EEF1AKMT2: variants seen among roughly 807,000 people sequenced by gnomAD.
EEF1AKMT2 encodes eukaryotic translation elongation factor 1 alpha lysine methyltransferase 2.
EEF1AKMT2 carries 32 observed loss-of-function variants against 35.8 expected under a neutral mutation model. That is an observed-to-expected ratio of 0.89 (90% confidence interval 0.67 to 1.20). EEF1AKMT2 has a LOEUF of 1.20. Among genes scored for constraint, EEF1AKMT2 ranks in the 50% most tolerant of loss-of-function variants. The probability of loss-of-function intolerance (pLI) is 0.00; values close to 1 mark genes in which losing one functional copy is unlikely to be tolerated. For missense variants in EEF1AKMT2, 330 were observed against 347.5 expected (o/e 0.95, Z 0.40); for synonymous variants, 121 against 133.7 (o/e 0.91, Z 0.65).
At chr10:124,781,716 T>C (rs1206476209) in intron 3 of EEF1AKMT2, among the ~76,000 whole-genome samples, 4 of 147,078 alleles carry the variant, frequency 2.7e-5, no homozygotes, top group African/African-American at 1.0e-4. Flanking sequence ...AAACCCTCTC[T>C]AAAATAATTT....
chr10:124,785,784 T>C (rs778601613), intron 3 of EEF1AKMT2, among the ~76,000 whole-genome samples: 3 of 150,884 alleles, frequency 2.0e-5, no homozygotes, highest in Non-Finnish European at 4.4e-5. Context: ...TAATCCCATC[T>C]ACTCAGGAGG....
chr10:124,768,515 C>T (rs1341585923), intron 4 of EEF1AKMT2, among the ~76,000 whole-genome samples: 1 of 152,140 alleles, frequency 6.6e-6, no homozygotes, highest in Non-Finnish European at 1.5e-5. Context: ...GAGGCCGAGG[C>T]AGGCAGATCA....
Position 124,758,880 on chromosome 10 carries a change from A to G in EEF1AKMT2, c.*1623T>C, listed in dbSNP as rs540563469. The G allele has an allele frequency of 1.8e-4, 27 of 152,230 alleles. No individual in the cohort carries two copies. The highest frequency in any genetic ancestry group is 3.2e-4 in the Non-Finnish European group (22 of 68,036). 9.4% of individuals were successfully genotyped at this position (152,230 alleles called of 1,614,324 possible). ...ATTTTGAAGTAATTTCTCACTTTTT[A>G]CATGTTGAAAATAAAAGCTTTTCAA... On this transcript the variant is annotated 3_prime_UTR_variant, in exon 7 of 7. Coordinates refer to ENST00000368836, the MANE Select transcript of EEF1AKMT2 (RefSeq NM_212554.4).
intron 3 of EEF1AKMT2, among the ~76,000 whole-genome samples, chr10:124,776,553 G>A (rs985230559): frequency 5.9e-5 from 9 of 152,014 alleles, no homozygotes; most frequent in Admixed American, 3.9e-4. Flanking sequence ...TCTGGGAGGC[G>A]GAGGCAGGCA....
downstream of EEF1AKMT2, among the ~76,000 whole-genome samples, chr10:124,757,166 C>CCACACACACACAAA (rs1950293024): frequency 7.0e-6 from 1 of 143,174 alleles, no homozygotes; most frequent in African/African-American, 2.6e-5. Flanking sequence ...ACACTCCCTC[C>CCACACACACACAAA]CACACACACA....
intron 3 of EEF1AKMT2, among the ~76,000 whole-genome samples, chr10:124,781,231 A>T (rs1021637962): frequency 1.3e-5 from 2 of 151,762 alleles, no homozygotes; most frequent in Admixed American, 1.3e-4. Flanking sequence ...GGCGTGAGCC[A>T]CCGTGCCCAG....
At chr10:124,766,318 G>A (rs1950377742) in intron 4 of EEF1AKMT2, 1 of 151,814 alleles carries the variant, frequency 6.6e-6, no homozygotes, top group African/African-American at 2.4e-5. Flanking sequence ...AGAATTTCTT[G>A]GGTCTTGACT....
intron 4 of EEF1AKMT2, chr10:124,765,822 T>C (rs1950374125): frequency 8.5e-6 from 4 of 471,896 alleles, no homozygotes; most frequent in African/African-American, 2.0e-5. Context: ...TGGTATTTCC[T>C]GAACATTCCA....
chr10:124,791,702 C>T (rs1447533653), intron 1 of EEF1AKMT2, 22 bp downstream of exon 1: 1 of 1,563,868 alleles, frequency 6.4e-7, no homozygotes, highest in Non-Finnish European at 8.6e-7. Context: ...GCTCATCCTC[C>T]CCTGCCCAGC....
At chr10:124,771,342 G>T (rs12768797) in intron 4 of EEF1AKMT2, among the ~76,000 whole-genome samples, 1 of 151,444 alleles carries the variant, frequency 6.6e-6, no homozygotes, top group Non-Finnish European at 1.5e-5. Flanking sequence ...CTTGTGATCC[G>T]CCCACCTTGG....
chr10:124,764,486 G>C (rs994690680), intron 5 of EEF1AKMT2, among the ~76,000 whole-genome samples: 2 of 151,992 alleles, frequency 1.3e-5, no homozygotes, highest in African/African-American at 4.8e-5. Flanking sequence ...TTTGTGTATA[G>C]ATTACAGATT....
At position 124,791,691 on chromosome 10, in the gene EEF1AKMT2, G is replaced by A. The variant is rs555038065; in HGVS notation, c.110+33C>T. 3.9e-6 allele frequency: 6 copies of A among 1,552,912 alleles called. No individual in the cohort carries two copies. In the African/African-American group the frequency reaches 6.8e-5, roughly 18 times the overall value. On this transcript the variant is annotated intron_variant, in intron 1 of 6. Coordinates refer to ENST00000368836, the MANE Select transcript of EEF1AKMT2 (RefSeq NM_212554.4). ...TCTCGGGGCCCAGGCAGGGCGGCACGGCTCATCCTCCCCTGCCCAGCGTCA... is the reference window on the plus strand; with the variant it reads ...TCTCGGGGCCCAGGCAGGGCGGCACAGCTCATCCTCCCCTGCCCAGCGTCA...
intron 3 of EEF1AKMT2, among the ~76,000 whole-genome samples, chr10:124,787,715 C>T (rs1950598795): frequency 6.6e-6 from 1 of 151,206 alleles, no homozygotes; most frequent in South Asian, 2.1e-4. Context: ...CAGTGCACTC[C>T]TACCTGGGTG....
At chr10:124,783,622 G>C (rs1171069197) in intron 3 of EEF1AKMT2, among the ~76,000 whole-genome samples, 2 of 151,966 alleles carry the variant, frequency 1.3e-5, no homozygotes, top group African/African-American at 4.8e-5. Flanking sequence ...GAAAACATAT[G>C]TACACACAAA....
intron 3 of EEF1AKMT2, chr10:124,782,995 A>T: frequency 2.4e-6 from 1 of 424,622 alleles, no homozygotes; most frequent in East Asian, 7.0e-5. Context: ...CTTCAAATAT[A>T]ATAATAAGGT....
At chr10:124,757,466 T>C (rs1564897487), downstream of EEF1AKMT2, among the ~76,000 whole-genome samples, 1 of 152,090 alleles carries the variant, frequency 6.6e-6, no homozygotes, top group African/African-American at 2.4e-5. Context: ...GTCATTAACA[T>C]AGCAGGGATA....
At chr10:124,756,853 A>G (rs1010889143), downstream of EEF1AKMT2, among the ~76,000 whole-genome samples, 2 of 152,206 alleles carry the variant, frequency 1.3e-5, no homozygotes, top group Non-Finnish European at 2.9e-5. Context: ...TCAATTGACC[A>G]AAGAATTTCA....
chr10:124,782,418 T>A (rs1950548468), intron 3 of EEF1AKMT2, among the ~76,000 whole-genome samples: 1 of 151,212 alleles, frequency 6.6e-6, no homozygotes, highest in African/African-American at 2.4e-5. Flanking sequence ...CCGTCTCTAC[T>A]AAAAATACAA....
chr10:124,762,299 C>T lies in EEF1AKMT2; in HGVS notation c.875+1G>A. 1 of 1,067,818 alleles carries T rather than the reference C, an allele frequency of 9.4e-7. No individual in the cohort carries two copies. Among genetic ancestry groups the T allele is most frequent in the African/African-American group, 1.7e-5 (1 of 60,076 alleles). The allele number at this position is 1,067,818 out of a possible 1,614,324, so 66.1% of individuals were successfully genotyped here. ...ATAAATAAAGCTGGAAGGTCACTTA[C>T]TAAAATGCCAACGAGGGCCTGGCAT... On this transcript the variant is annotated splice_donor_variant, in intron 6 of 6. Coordinates refer to ENST00000368836, the MANE Select transcript of EEF1AKMT2 (RefSeq NM_212554.4). LOFTEE classifies it high-confidence loss of function.
Sources: gnomAD v4.1 joint callset for allele counts (sites outside exome capture counted in the v4.1 genomes callset) on GRCh38, gnomAD v4.1.1 for gene constraint, MANE v1.5 for transcripts, NCBI Gene and HGNC (gene_info 2026-07-23, HGNC 2026-07-21) for gene names.